The following TMEM219 variants were observed in gnomAD, a reference collection of about 807,000 sequenced individuals.
The protein encoded by TMEM219 is insulin-like growth factor-binding protein 3 receptor.
TMEM219 carries 18 observed loss-of-function variants against 17.9 expected under a neutral mutation model. The observed-to-expected ratio is 1.01, with a 90% CI of 0.70 to 1.49. The LOEUF is 1.49. TMEM219 is among the 40% of genes most tolerant of loss of function. The pLI is 0.00. For synonymous variants in TMEM219, 113 were observed against 124.0 expected, an observed-to-expected ratio of 0.91 and a Z score of 0.59; for missense variants, 288 against 292.4, an observed-to-expected ratio of 0.99 and a Z score of 0.11.
Position 29,971,547 on chromosome 16 carries a change from G to A in TMEM219, c.*2G>A, listed in dbSNP as rs201304055. On this transcript the variant is annotated 3_prime_UTR_variant, in exon 5 of 6. Transcript: ENST00000279396. The stretch of plus-strand genomic sequence containing the variant: ...CACTGGTCTAGAACCCGGCTCTGAG[G>A]GCACTGGCCTAGTTCCCGACTTGTT... 49 of 1,612,988 alleles carry A rather than the reference G, an allele frequency of 3.0e-5. No individual in the cohort carries two copies. The highest frequency in any genetic ancestry group is 1.8e-4 in the East Asian group (8 of 44,818).
intron 1 of TMEM219, 136 bp downstream of exon 1, chr16:29,962,268 T>TC (rs2069155922): frequency 2.0e-5 from 3 of 152,108 alleles, no homozygotes; most frequent in Admixed American, 6.5e-5. Flanking sequence ...GACTCTGCCC[T>TC]CCCCTCCCTT....
intron 4 of TMEM219, among the ~76,000 whole-genome samples, chr16:29,969,286 TCA>T (rs1380699383): frequency 1.5e-5 from 2 of 134,562 alleles, no homozygotes; most frequent in Non-Finnish European, 3.1e-5. Context: ...AAGCTCCACC[TCA>T]CAGGTTCATG....
chr16:29,972,978 C>G lies in TMEM219; in HGVS notation c.*62C>G, dbSNP rs1261653622. 2 of 152,084 alleles carry G rather than the reference C, an allele frequency of 1.3e-5. No individual in the cohort carries two copies. The highest frequency in any genetic ancestry group is 3.8e-4 in the East Asian group (2 of 5,200). The allele number at this position is 152,084 out of a possible 1,614,324, so 9.4% of individuals were successfully genotyped here. ...TGAATCAACTTCTTGGGCCTTGGCTCTGAGTTGGAAAAGGTTTTAGAAAAA... is the reference window on the plus strand; with the variant it reads ...TGAATCAACTTCTTGGGCCTTGGCTGTGAGTTGGAAAAGGTTTTAGAAAAA... On this transcript the variant is annotated 3_prime_UTR_variant, in exon 6 of 6. Transcript: ENST00000279396.
chr16:29,963,589 G>C lies in TMEM219; in HGVS notation c.355G>C (p.Gly119Arg). The change falls in exon 3 of 6, where the codon GGA (glycine) becomes CGA (arginine). Residue 119 changes from glycine (G) to arginine (R), a missense_variant and splice_region_variant. Physicochemically the swap from Gly to Arg is moderately radical, Grantham distance 125. Transcript: ENST00000279396. ...CCTGGGAAGTCAGATGGGATTGAAA[G>C]GTGAGATCAGAGGCTGGGTGTGGTG... ...TVLGSQMGLK[G>R]SSAGQLVLIT... is the part of the protein sequence containing the mutation. 6.2e-7 allele frequency: 1 copy of C among 1,613,034 alleles called. No individual in the cohort carries two copies. The highest frequency in any genetic ancestry group is 8.5e-7 in the Non-Finnish European group (1 of 1,179,446).
At chr16:29,963,344 A>G (rs773633880) in intron 2 of TMEM219, 36 bp downstream of exon 2, 1 of 1,613,778 alleles carries the variant, frequency 6.2e-7, no homozygotes, top group South Asian at 1.1e-5. Context: ...TCTTCCTTCC[A>G]ACCTAGACAG....
At chr16:29,966,641 C>T (rs2069215596) in intron 3 of TMEM219, among the ~76,000 whole-genome samples, 1 of 151,908 alleles carries the variant, frequency 6.6e-6, no homozygotes, top group Non-Finnish European at 1.5e-5. Context: ...ATGATGAAAC[C>T]CCGTCTCTAC....
intron 2 of TMEM219, 30 bp from the exon 3 acceptor site, chr16:29,963,370 C>A (rs376886497): frequency 7.9e-5 from 127 of 1,613,510 alleles, no homozygotes; most frequent in South Asian, 2.0e-4. Context: ...TGCTGCTAAT[C>A]TCATCTCACC....
At chr16:29,965,564 C>CAAAAAAAAAAA (rs35045736) in intron 3 of TMEM219, among the ~76,000 whole-genome samples, 3 of 82,884 alleles carry the variant, frequency 3.6e-5, no homozygotes, top group African/African-American at 4.8e-5. Flanking sequence ...ACTAAAAATA[C>CAAAAAAAAAAA]AAAAAAAAAA....
At chr16:29,971,634 T>G in intron 5 of TMEM219, 56 bp downstream of exon 5, 15 of 1,322,136 alleles carry the variant, frequency 1.1e-5, no homozygotes, top group East Asian at 2.6e-5. Flanking sequence ...GGGTGGGGGT[T>G]GTAACCGGGG....
intron 4 of TMEM219, among the ~76,000 whole-genome samples, chr16:29,969,980 G>A (rs1160462567): frequency 2.6e-5 from 4 of 152,100 alleles, no homozygotes; most frequent in African/African-American, 7.2e-5. Context: ...GGTGGCTCAC[G>A]CCTGTAATCC....
intron 4 of TMEM219, chr16:29,968,495 C>T (rs762549277): frequency 3.1e-5 from 14 of 458,706 alleles, no homozygotes; most frequent in African/African-American, 2.7e-4. Context: ...TGAGAATGAC[C>T]GTGAAGTGCC....
chr16:29,971,418 C>T lies in TMEM219; in HGVS notation c.596C>T (p.Ala199Val), dbSNP rs764939803. 1.2e-6 allele frequency: 2 copies of T among 1,614,170 alleles called. No individual in the cohort carries two copies. Among genetic ancestry groups the T allele is most frequent in the African/African-American group, 1.3e-5 (1 of 75,038 alleles). ...TGTACCCCTCCCTAGGAGGAGCTGG[C>T]TCTGTGTGGCTCCAGGCTGCTGGTC... The part of the protein sequence containing the change: ...LTKLLTSEEL[A>V]LCGSRLLVLG... The change falls in exon 5 of 6, where the codon GCT becomes GTT. Residue 199 changes from alanine (A) to valine (V), a missense_variant. Coordinates refer to ENST00000279396, the MANE Select transcript of TMEM219 (RefSeq NM_001083613.2).
At chr16:29,968,495 C>G in intron 4 of TMEM219, 1 of 458,706 alleles carries the variant, frequency 2.2e-6, no homozygotes, top group Non-Finnish European at 3.9e-6. Context: ...TGAGAATGAC[C>G]GTGAAGTGCC....
At chr16:29,970,856 A>G (rs1341208883) in intron 4 of TMEM219, among the ~76,000 whole-genome samples, 2 of 151,534 alleles carry the variant, frequency 1.3e-5, no homozygotes, top group Non-Finnish European at 2.9e-5. Context: ...AGGTGGGAAG[A>G]TCGCTGGAGC....
intron 4 of TMEM219, among the ~76,000 whole-genome samples, chr16:29,969,531 TAGC>T (rs528235290): frequency 1.6e-4 from 24 of 151,824 alleles, no homozygotes; most frequent in Non-Finnish European, 3.4e-4. Flanking sequence ...TTTTTTTAAT[TAGC>T]AGGGTGTGGT....
Position 29,971,574 on chromosome 16 carries a change from C to T in TMEM219, c.*29C>T, listed in dbSNP as rs1306956172. 6.2e-7 allele frequency: 1 copy of T among 1,604,356 alleles called. No individual in the cohort carries two copies. The highest frequency in any genetic ancestry group is 1.7e-5 in the Admixed American group (1 of 59,682). On this transcript the variant is annotated 3_prime_UTR_variant, in exon 5 of 6. Coordinates refer to ENST00000279396, the MANE Select transcript of TMEM219 (RefSeq NM_001083613.2). ...CACTGGCCTAGTTCCCGACTTGTTT[C>T]TCAGGTGAGGTTCTTTGCTCCAGTC...
chr16:29,968,566 C>T (rs2069244330), intron 4 of TMEM219: 1 of 257,690 alleles, frequency 3.9e-6, no homozygotes, highest in South Asian at 8.1e-5. Context: ...TTACTATTGT[C>T]TTTAAAACAT....
At chr16:29,965,077 A>T (rs892490152) in intron 3 of TMEM219, among the ~76,000 whole-genome samples, 2 of 152,204 alleles carry the variant, frequency 1.3e-5, no homozygotes, top group African/African-American at 2.4e-5. Context: ...TGGGAAAATG[A>T]CAAGCGATAG....
At chr16:29,968,303 T>C (rs572712353) in intron 4 of TMEM219, 49 bp downstream of exon 4, 5 of 1,469,800 alleles carry the variant, frequency 3.4e-6, no homozygotes, top group East Asian at 2.3e-5. Flanking sequence ...GCCTGCTGAC[T>C]ACTGTATCTT....
Sources: gnomAD v4.1 joint callset for allele counts (sites outside exome capture counted in the v4.1 genomes callset) on GRCh38, gnomAD v4.1.1 for gene constraint, MANE v1.5 for transcripts, NCBI Gene and HGNC (gene_info 2026-07-23, HGNC 2026-07-21) for gene names.